Variants in ASIC2 observed in about 807,000 individuals in gnomAD.
ASIC2 encodes acid sensing ion channel subunit 2.
ASIC2 carries 25 observed loss-of-function variants against 57.3 expected under a neutral mutation model. The observed-to-expected ratio is 0.44, with a 90% CI of 0.32 to 0.61. ASIC2 has a LOEUF of 0.61. ASIC2 is among the 20% of genes least tolerant of loss of function. The pLI is 0.06. For missense variants in ASIC2, 641 were observed against 738.1 expected (o/e 0.87, Z 1.52); for synonymous variants, 319 against 307.5 (o/e 1.04, Z -0.39).
upstream of ASIC2, among the ~76,000 whole-genome samples, chr17:33,294,548 A>C (rs1017346728): frequency 2.6e-5 from 4 of 151,914 alleles, no homozygotes; most frequent in African/African-American, 9.7e-5. Flanking sequence ...AGGACCTCTG[A>C]GCCCCTCATT....
intron 1 of ASIC2, among the ~76,000 whole-genome samples, chr17:33,925,185 G>A (rs889601015): frequency 5.3e-5 from 8 of 152,240 alleles, no homozygotes; most frequent in Non-Finnish European, 8.8e-5. Context: ...ACCTTTGCCT[G>A]GTTCCTTAAC....
intron 9 of ASIC2, among the ~76,000 whole-genome samples, chr17:33,015,229 G>A (rs1471493714): frequency 6.6e-6 from 1 of 152,202 alleles, no homozygotes; most frequent in Non-Finnish European, 1.5e-5. Context: ...GGCTGGAGGT[G>A]CTGATTTGGG....
chr17:33,690,516 A>G (rs1482896647), intron 1 of ASIC2, among the ~76,000 whole-genome samples: 1 of 152,138 alleles, frequency 6.6e-6, no homozygotes, highest in East Asian at 1.9e-4. Flanking sequence ...GAAAGTTCCA[A>G]TATGCAAGCT....
intron 1 of ASIC2, among the ~76,000 whole-genome samples, chr17:33,393,745 G>T (rs1480311033): frequency 6.6e-6 from 1 of 152,168 alleles, no homozygotes; most frequent in Non-Finnish European, 1.5e-5. Context: ...ACACCTGGGG[G>T]TTCATGGAGT....
intron 1 of ASIC2, among the ~76,000 whole-genome samples, chr17:34,097,728 G>A (rs917045070): frequency 6.6e-6 from 1 of 152,072 alleles, no homozygotes; most frequent in Non-Finnish European, 1.5e-5. Context: ...TCCATGATGT[G>A]GAACTCATGG....
intron 1 of ASIC2, among the ~76,000 whole-genome samples, chr17:33,363,592 C>G (rs919810015): frequency 6.6e-6 from 1 of 152,244 alleles, no homozygotes. Context: ...TGCATGGCCT[C>G]TGCCACTGAA....
intron 1 of ASIC2, among the ~76,000 whole-genome samples, chr17:34,061,505 G>A (rs1406302147): frequency 6.6e-6 from 1 of 152,108 alleles, no homozygotes. Context: ...CATGATGAAA[G>A]CAACGGTACC....
intron 1 of ASIC2, among the ~76,000 whole-genome samples, chr17:33,666,791 G>A (rs1907488683): frequency 6.6e-6 from 1 of 152,296 alleles, no homozygotes; most frequent in South Asian, 2.1e-4. Context: ...TGGTTCTAGG[G>A]AGTTGCTAAG....
intron 8 of ASIC2, among the ~76,000 whole-genome samples, chr17:33,017,132 G>T (rs1340073905): frequency 6.6e-6 from 1 of 152,216 alleles, no homozygotes; most frequent in Admixed American, 6.5e-5. Context: ...GCTGGGAAGT[G>T]CCCCTTCCCT....
intron 1 of ASIC2, among the ~76,000 whole-genome samples, chr17:33,969,957 C>G (rs536134909): frequency 6.6e-6 from 1 of 152,150 alleles, no homozygotes; most frequent in Non-Finnish European, 1.5e-5. Flanking sequence ...AAGGCCCACT[C>G]ATGGTCCAAG....
At chr17:34,054,159 A>T (rs1908675225) in intron 1 of ASIC2, among the ~76,000 whole-genome samples, 1 of 152,272 alleles carries the variant, frequency 6.6e-6, no homozygotes, top group South Asian at 2.1e-4. Flanking sequence ...TTTCCTAACA[A>T]CAGGTACATG....
intron 1 of ASIC2, among the ~76,000 whole-genome samples, chr17:34,021,843 T>TG (rs916061771): frequency 5.4e-5 from 8 of 146,830 alleles, no homozygotes; most frequent in South Asian, 2.2e-4. Context: ...TTTTGTTTTT[T>TG]TTTTTTTTTT....
At position 33,628,884 on chromosome 17, in the gene ASIC2, A is replaced by G. The variant is rs138883315; in HGVS notation, c.556-516817T>C. On this transcript the variant is annotated intron_variant, in intron 1 of 9. Coordinates refer to the ASIC2 transcript ENST00000359872. ...GGGTTTGAATTCCACTTTGCCTGAT[A>G]CCAAATCCCATGCTCTTAGCCCTGC... 6.8e-3 allele frequency among the ~76,000 whole-genome samples: 1,035 copies of G among 152,286 alleles called. 15 individuals carry two copies. The highest frequency in any genetic ancestry group is 0.024 in the African/African-American group (978 of 41,554).
intron 1 of ASIC2, among the ~76,000 whole-genome samples, chr17:33,868,894 T>C (rs1257108703): frequency 6.6e-6 from 1 of 152,094 alleles, no homozygotes; most frequent in East Asian, 1.9e-4. Flanking sequence ...TAAGACCTTG[T>C]CTCTACTAAA....
chr17:33,531,288 C>T (rs193216638), intron 1 of ASIC2, among the ~76,000 whole-genome samples: 55 of 151,206 alleles, frequency 3.6e-4, no homozygotes, highest in Non-Finnish European at 6.2e-4. Context: ...TCTTGGGGTA[C>T]ATAAAGCTGG....
intron 1 of ASIC2, among the ~76,000 whole-genome samples, chr17:33,590,628 A>C (rs1000486445): frequency 6.6e-6 from 1 of 151,554 alleles, no homozygotes; most frequent in African/African-American, 2.4e-5. Flanking sequence ...CAGTCTCTAC[A>C]CTACACCCCA....
At chr17:33,743,780 C>A (rs550085614) in intron 1 of ASIC2, among the ~76,000 whole-genome samples, 10 of 152,284 alleles carry the variant, frequency 6.6e-5, no homozygotes, top group African/African-American at 1.9e-4. Context: ...TGCTGGCCAA[C>A]CCTGCAGATT....
At chr17:33,512,783 C>T (rs1914465499) in intron 1 of ASIC2, among the ~76,000 whole-genome samples, 2 of 152,184 alleles carry the variant, frequency 1.3e-5, no homozygotes, top group African/African-American at 4.8e-5. Context: ...CTCACCAGCA[C>T]CATCATCTCC....
chr17:33,824,381 T>A (rs1268971785), intron 1 of ASIC2, among the ~76,000 whole-genome samples: 1 of 152,032 alleles, frequency 6.6e-6, no homozygotes, highest in Non-Finnish European at 1.5e-5. Context: ...TGTCTGTGTA[T>A]ATATGTATGT....
Sources: allele counts gnomAD v4.1 joint callset (sites outside exome capture counted in the v4.1 genomes callset), GRCh38; gene constraint gnomAD v4.1.1; transcripts MANE v1.5; gene names NCBI Gene and HGNC (gene_info 2026-07-23, HGNC 2026-07-21).